The following KALRN variants were observed in gnomAD, a reference collection of about 807,000 sequenced individuals.
The protein encoded by KALRN is kalirin.
KALRN carries 70 observed loss-of-function variants against 353.7 expected under a neutral mutation model. The observed-to-expected ratio is 0.20, with a 90% CI of 0.16 to 0.24. The LOEUF (loss-of-function observed/expected upper bound fraction) is 0.24, where lower values mean the gene tolerates loss of function less well. Among genes scored for constraint, KALRN ranks in the 10% least tolerant of loss-of-function variants. The probability of loss-of-function intolerance (pLI) is 1.00; values close to 1 mark genes in which losing one functional copy is unlikely to be tolerated. For missense variants in KALRN, 2,791 were observed against 3,756.7 expected (o/e 0.74, Z 6.72); for synonymous variants, 1,391 against 1,434.8 (o/e 0.97, Z 0.69).
intron 1 of KALRN, among the ~76,000 whole-genome samples, chr3:124,091,631 G>T (rs1237165303): frequency 6.6e-6 from 1 of 152,166 alleles, no homozygotes; most frequent in African/African-American, 2.4e-5. Flanking sequence ...TGAACATCCG[G>T]ATGGGCATCA....
At chr3:124,590,435 GT>G (rs974898610) in intron 34 of KALRN, among the ~76,000 whole-genome samples, 1 of 152,024 alleles carries the variant, frequency 6.6e-6, no homozygotes, top group Non-Finnish European at 1.5e-5. Context: ...CTCTGTATCT[GT>G]TTTTTAATGC....
intron 34 of KALRN, among the ~76,000 whole-genome samples, chr3:124,592,345 A>G (rs2075877529): frequency 6.6e-6 from 1 of 151,516 alleles, no homozygotes; most frequent in South Asian, 2.1e-4. Flanking sequence ...AATCCTGGCA[A>G]GAAGCCTACA....
chr3:124,149,799 C>T (rs1481031281), intron 1 of KALRN, among the ~76,000 whole-genome samples: 1 of 152,160 alleles, frequency 6.6e-6, no homozygotes, highest in Non-Finnish European at 1.5e-5. Context: ...ACCATCTGTC[C>T]TCTGCAAAAG....
intron 49 of KALRN, chr3:124,677,730 A>T (rs2087342629): frequency 4.9e-6 from 2 of 406,428 alleles, no homozygotes; most frequent in Non-Finnish European, 9.7e-6. Context: ...TCTCAATGTC[A>T]TCCTTTTAGG....
At chr3:124,269,918 G>T (rs2073957143) in intron 5 of KALRN, among the ~76,000 whole-genome samples, 1 of 152,104 alleles carries the variant, frequency 6.6e-6, no homozygotes, top group African/African-American at 2.4e-5. Context: ...ATACCCACTT[G>T]TTTCCAAAGG....
intron 34 of KALRN, among the ~76,000 whole-genome samples, chr3:124,618,508 A>G (rs2078909193): frequency 6.6e-6 from 1 of 152,148 alleles, no homozygotes; most frequent in African/African-American, 2.4e-5. Flanking sequence ...TCAGTTATAT[A>G]CAGTCATTTG....
intron 1 of KALRN, among the ~76,000 whole-genome samples, chr3:124,072,533 C>T (rs765607356): frequency 3.3e-5 from 5 of 152,106 alleles, no homozygotes; most frequent in African/African-American, 4.8e-5. Context: ...TAGAGGTTTC[C>T]TGGAGGTAAC....
At chr3:124,395,439 G>A (rs896742413) in intron 12 of KALRN, 96 bp downstream of exon 12, 2 of 1,015,372 alleles carry the variant, frequency 2.0e-6, no homozygotes, top group Non-Finnish European at 2.9e-6. Context: ...TTGCTTTGTG[G>A]TCTTGTGTGA....
Position 124,332,001 on chromosome 3 carries a change from A to C in KALRN, c.1416+2009A>C, listed in dbSNP as rs142435016. 1.7e-3 allele frequency among the ~76,000 whole-genome samples: 264 copies of C among 152,312 alleles called. 2 individuals are homozygous for C. The highest frequency in any genetic ancestry group is 6.1e-3 in the African/African-American group (252 of 41,580). On this transcript the variant is annotated intron_variant, in intron 8 of 59. Transcript: ENST00000682506. ...AAAGACAGCATTTGCTCAGAATTCC[A>C]GAAAGAGAGCTCTCCTGGGTTTCAC... is the stretch of plus-strand genomic sequence containing the variant.
At chr3:124,037,457 T>C (rs4678075) in intron 1 of KALRN, among the ~76,000 whole-genome samples, 90,375 of 151,930 alleles carry the variant, frequency 0.59, 29,426 homozygotes, top group Non-Finnish European at 0.74. Context: ...CAGGGTCAAA[T>C]AGGGAGAGTC....
At chr3:124,308,128 A>G (rs995677040) in intron 6 of KALRN, among the ~76,000 whole-genome samples, 1 of 152,038 alleles carries the variant, frequency 6.6e-6, no homozygotes, top group Admixed American at 6.5e-5. Context: ...TGTAACAACT[A>G]TAAGCACATA....
intron 1 of KALRN, chr3:124,094,914 G>A: frequency 1.2e-6 from 2 of 1,612,416 alleles, no homozygotes; most frequent in Non-Finnish European, 8.5e-7. Context: ...GGTATCCTGA[G>A]TGTGTGTATG....
chr3:124,539,475 C>T (rs1294760981), intron 33 of KALRN, among the ~76,000 whole-genome samples: 2 of 152,128 alleles, frequency 1.3e-5, no homozygotes, highest in East Asian at 1.9e-4. Flanking sequence ...GCTGAGCACC[C>T]AACTCATTGA....
At chr3:124,246,556 G>C (rs2081146177) in intron 3 of KALRN, among the ~76,000 whole-genome samples, 1 of 152,088 alleles carries the variant, frequency 6.6e-6, no homozygotes, top group Non-Finnish European at 1.5e-5. Flanking sequence ...GGCTTAAAGT[G>C]GTTAACCTCT....
At chr3:124,361,253 CTTTA>C (rs1329560458) in intron 10 of KALRN, among the ~76,000 whole-genome samples, 1 of 152,168 alleles carries the variant, frequency 6.6e-6, no homozygotes, top group Non-Finnish European at 1.5e-5. Flanking sequence ...GAAGTTTCTA[CTTTA>C]TTTATCTTTT....
chr3:124,543,061 T>A (rs1055438240), intron 33 of KALRN, among the ~76,000 whole-genome samples: 1 of 152,166 alleles, frequency 6.6e-6, no homozygotes, highest in Admixed American at 6.5e-5. Context: ...GACCTCTCTC[T>A]AGGGCTGCTT....
intron 5 of KALRN, among the ~76,000 whole-genome samples, chr3:124,274,404 C>T (rs1369043910): frequency 6.6e-6 from 1 of 152,250 alleles, no homozygotes; most frequent in East Asian, 1.9e-4. Context: ...AGTTCCGGTG[C>T]ATAACTAGAC....
intron 33 of KALRN, among the ~76,000 whole-genome samples, chr3:124,562,319 G>T (rs1290946608): frequency 6.6e-6 from 1 of 152,164 alleles, no homozygotes; most frequent in Non-Finnish European, 1.5e-5. Context: ...AAGGAAGGCT[G>T]TCTCTTCCAT....
At position 124,446,705 on chromosome 3, in the gene KALRN, A is replaced by C. The variant is rs972942801; in HGVS notation, c.3430-58A>C. On this transcript the variant is annotated intron_variant, in intron 20 of 59. Coordinates refer to ENST00000682506, the MANE Select transcript of KALRN (RefSeq NM_001388419.1). The stretch of plus-strand genomic sequence containing the variant: ...ACAATAACCTTCATTGTAGTATGGC[A>C]TGTTTTCCTACTGACAGCTGCCTTT... The C allele has an allele frequency of 3.1e-6, 5 of 1,607,302 alleles. No homozygotes were observed. The Admixed American group carries it at 8.4e-5, about 27-fold the overall frequency.
Sources: allele counts gnomAD v4.1 joint callset (sites outside exome capture counted in the v4.1 genomes callset), GRCh38; gene constraint gnomAD v4.1.1; transcripts MANE v1.5; gene names NCBI Gene and HGNC (gene_info 2026-07-23, HGNC 2026-07-21).